DNAH5: variants seen among roughly 807,000 people sequenced by gnomAD.
DNAH5 encodes the protein axonemal beta dynein heavy chain 5.
A neutral mutation model predicts 518.2 loss-of-function variants in DNAH5; 372 were observed. That is an observed-to-expected ratio of 0.72 (90% CI 0.66 to 0.78). The LOEUF is 0.78. Ranked by LOEUF, DNAH5 falls within the 30% of genes least tolerant of loss-of-function variation. The pLI is 0.00. For synonymous variants in DNAH5, 2,039 were observed against 2,025.9 expected (o/e 1.01, Z -0.17); for missense variants, 5,523 against 5,687.0 (o/e 0.97, Z 0.93).
intron 1 of DNAH5, among the ~76,000 whole-genome samples, chr5:13,953,423 T>C (rs1358441078): frequency 2.0e-5 from 3 of 152,210 alleles, no homozygotes. Context: ...CATTGGGCCT[T>C]ATATTCAAAT....
chr5:13,827,845 C>T (rs911940613), intron 38 of DNAH5, among the ~76,000 whole-genome samples: 3 of 152,064 alleles, frequency 2.0e-5, no homozygotes, highest in Admixed American at 1.3e-4. Flanking sequence ...ATAGTGAGTT[C>T]TCATGAGATC....
chr5:13,885,106 G>A lies in DNAH5; in HGVS notation c.2866C>T (p.Arg956Cys), dbSNP rs151039897. 61 of 1,614,216 alleles carry A rather than the reference G, an allele frequency of 3.8e-5. No homozygotes were observed. The highest frequency in any genetic ancestry group is 3.3e-4 in the Middle Eastern group (2 of 6,062). Reference protein sequence around the residue: ...KETEMLGEEARELLSHFNHQN... With the variant: ...KETEMLGEEACELLSHFNHQN... Reference sequence around the variant, plus strand: ...TGGTTGAAATGAGAGAGTAACTCGCGGGCTTCTTCCCCTAACATCTCAGTT... The same window carrying A: ...TGGTTGAAATGAGAGAGTAACTCGCAGGCTTCTTCCCCTAACATCTCAGTT... The change falls in exon 19 of 79, where the codon CGC becomes TGC. Residue 956 changes from arginine to cysteine, a missense_variant. Physicochemically the swap from Arg to Cys is radical, Grantham distance 180 (BLOSUM62 -3). Around this residue, in one of 3 missense-constraint regions of DNAH5, gnomAD observed 5,121 missense variants for 5,223.3 expected, o/e 0.98. Transcript: ENST00000265104.
In DNAH5 at chr5:13,770,755, G is replaced by A. The variant is rs1220355850; in HGVS notation, c.9599C>T (p.Ala3200Val). ...ATAAGAACATCACACTTACCTGTTG[G>A]CCAGGGTCCGCACCTCCACATGCTT... The part of the protein sequence containing the change: ...GEKHVEVRTL[A>V]NRMNTGLEKL... The change falls in exon 56 of 79, where the codon GCC becomes GTC. Residue 3200 changes from alanine (A) to valine (V), a missense_variant. Ala to Val is a moderately conservative substitution (Grantham distance 64). Transcript: ENST00000265104. 1 of 1,613,488 alleles carries A rather than the reference G, an allele frequency of 6.2e-7. No homozygotes were observed. The highest frequency in any genetic ancestry group is 2.2e-5 in the East Asian group (1 of 44,850).
rs1747607255 is a variant in DNAH5 at position 13,737,155 on chromosome 5, C to A, written c.11455+97G>T. ...ACAAAACACCTCCACTTTGCATAATCATTTGTATAACTCCCTCACATCCTT... is the reference window on the plus strand; with the variant it reads ...ACAAAACACCTCCACTTTGCATAATAATTTGTATAACTCCCTCACATCCTT... On this transcript the variant is annotated intron_variant, in intron 66 of 78. Transcript: ENST00000265104. 4 of 1,571,516 alleles carry A rather than the reference C, an allele frequency of 2.5e-6. No homozygotes were observed. In the South Asian group the frequency reaches 3.4e-5, roughly 13 times the overall value.
intron 32 of DNAH5, among the ~76,000 whole-genome samples, chr5:13,842,437 A>AGAGCGAGAGAGAGAGAGAG (rs1561407249): frequency 1.1e-5 from 1 of 91,326 alleles, no homozygotes; most frequent in Non-Finnish European, 2.3e-5. Flanking sequence ...GAAAGAAAGA[A>AGAGCGAGAGAGAGAGAGAG]AGAAAGAAAG....
rs114322227 is a variant in DNAH5 at position 13,825,066 on chromosome 5, G to A, written c.6445-733C>T. ...CAAAAGAATTGAAAGAATGTGCCAG[G>A]CACAATGGCTTACACCCATAATCCC... On this transcript the variant is annotated intron_variant, in intron 38 of 78. Transcript: ENST00000265104. Among the ~76,000 whole-genome samples, 1,025 of 152,286 alleles carry A rather than the reference G, an allele frequency of 6.7e-3. 3 individuals are homozygous for A. Among genetic ancestry groups the A allele is most frequent in the Non-Finnish European group, 8.6e-3 (582 of 68,030 alleles).
rs1335539930 is a variant in DNAH5 at position 13,829,693 on chromosome 5, A to C, written c.6261T>G (p.Tyr2087Ter). ...TTTCAGGGAGTTCCTGCCGTCCGGCATAGCCAGGATTCTAAACAGAAAATA... is the reference window on the plus strand; with the variant it reads ...TTTCAGGGAGTTCCTGCCGTCCGGCCTAGCCAGGATTCTAAACAGAAAATA... ...FGLFLTMNPGYAGRQELPENL... is the reference protein window; with the variant it reads ...FGLFLTMNPG Residue 2087 changes from tyrosine (Y) to a stop codon, truncating the protein, a stop_gained, in exon 38 of 79, where the codon TAT becomes TAG. Coordinates refer to ENST00000265104, the MANE Select transcript of DNAH5 (RefSeq NM_001369.3). LOFTEE classifies it high-confidence loss of function. 1.2e-6 allele frequency: 2 copies of C among 1,614,006 alleles called. No homozygotes were observed. Among genetic ancestry groups the C allele is most frequent in the Admixed American group, 1.7e-5 (1 of 60,000 alleles).
intron 50 of DNAH5, among the ~76,000 whole-genome samples, chr5:13,789,592 T>C (rs1175507080): frequency 6.6e-6 from 1 of 152,202 alleles, no homozygotes; most frequent in East Asian, 1.9e-4. Flanking sequence ...TTTTAAGCCA[T>C]TGCATTACTA....
chr5:13,882,000 T>C (rs2151937069), intron 21 of DNAH5, among the ~76,000 whole-genome samples: 2 of 152,140 alleles, frequency 1.3e-5, no homozygotes, highest in South Asian at 4.1e-4. Context: ...TTACTACTGA[T>C]AACCCAAAAA....
chr5:13,852,455 C>T (rs1287013864), intron 30 of DNAH5, among the ~76,000 whole-genome samples: 1 of 145,312 alleles, frequency 6.9e-6, no homozygotes, highest in Non-Finnish European at 1.5e-5. Context: ...GCGTGAGCCA[C>T]CACGCCCAGC....
At chr5:13,772,662 T>C (rs1753498755) in intron 55 of DNAH5, among the ~76,000 whole-genome samples, 1 of 152,240 alleles carries the variant, frequency 6.6e-6, no homozygotes, top group Non-Finnish European at 1.5e-5. Context: ...AATTCATACA[T>C]ATAAAAAACT....
At chr5:13,734,560 T>C (rs1385930552) in intron 68 of DNAH5, among the ~76,000 whole-genome samples, 7 of 152,156 alleles carry the variant, frequency 4.6e-5, no homozygotes, top group Admixed American at 2.6e-4. Flanking sequence ...AGTCACTTTG[T>C]TTTATCTACA....
chr5:13,850,623 G>T, intron 31 of DNAH5, 29 bp downstream of exon 31: 1 of 1,605,316 alleles, frequency 6.2e-7, no homozygotes, highest in South Asian at 1.1e-5. Flanking sequence ...CAAGGATACC[G>T]AGAGCTTTCA....
intron 15 of DNAH5, 134 bp from the exon 16 acceptor site, chr5:13,894,955 T>C: frequency 1.1e-6 from 1 of 912,466 alleles, no homozygotes; most frequent in Non-Finnish European, 1.7e-6. Context: ...GCAGGTAGAG[T>C]AGCCAAAACA....
At position 13,901,444 on chromosome 5, in the gene DNAH5, C is replaced by T; in HGVS notation, c.1860G>A (p.Gln620=). The T allele has an allele frequency of 6.2e-7, 1 of 1,613,960 alleles. No individual in the cohort carries two copies. Among genetic ancestry groups the T allele is most frequent in the Non-Finnish European group, 8.5e-7 (1 of 1,179,976 alleles). The change falls in exon 14 of 79, where the codon CAG becomes CAA. Residue 620 remains glutamine, a synonymous_variant. Coordinates refer to ENST00000265104, the MANE Select transcript of DNAH5 (RefSeq NM_001369.3). The part of the protein sequence containing the change: ...QKYDPPLARN[Q]PPIAGKILWA... ...ACAAAATCTTTCCAGCGATGGGAGG[C>T]TGGTTTCGAGCCAGAGGAGGATCGT...
At chr5:13,772,727 T>A (rs1753509673) in intron 55 of DNAH5, among the ~76,000 whole-genome samples, 1 of 152,172 alleles carries the variant, frequency 6.6e-6, no homozygotes, top group South Asian at 2.1e-4. Flanking sequence ...AAATCCAGTA[T>A]CAGCCCTAGG....
At chr5:13,885,874 T>C (rs1015047402) in intron 18 of DNAH5, 90 bp downstream of exon 18, 1 of 1,182,520 alleles carries the variant, frequency 8.5e-7, no homozygotes, top group African/African-American at 1.5e-5. Flanking sequence ...TTTATAGAAG[T>C]ATGAAATTAA....
intron 20 of DNAH5, 38 bp from the exon 21 acceptor site, chr5:13,882,853 C>T (rs1264496521): frequency 1.4e-5 from 23 of 1,613,904 alleles, no homozygotes; most frequent in Non-Finnish European, 1.7e-5. Flanking sequence ...TCTGTCCTAT[C>T]TGTAAAAGAA....
chr5:13,748,972 A>T (rs546091484), intron 65 of DNAH5, among the ~76,000 whole-genome samples: 1 of 152,130 alleles, frequency 6.6e-6, no homozygotes, highest in Admixed American at 6.6e-5. Flanking sequence ...GTAGGAAATG[A>T]CCCAAAAGCA....
Sources: gnomAD v4.1 joint callset for allele counts (sites outside exome capture counted in the v4.1 genomes callset) on GRCh38, gnomAD v4.1.1 for gene constraint, gnomAD v4.1.1 regional missense constraint, MANE v1.5 for transcripts, NCBI Gene and HGNC (gene_info 2026-07-23, HGNC 2026-07-21) for gene names.